REEP5: variants seen among roughly 807,000 people sequenced by gnomAD.
REEP5 encodes the protein receptor accessory protein 5, also known as receptor expression-enhancing protein 5.
Under a neutral mutation model 22.4 loss-of-function variants are expected in REEP5, and 24 were observed. That is an observed-to-expected ratio of 1.07 (90% CI 0.78 to 1.51). The LOEUF (loss-of-function observed/expected upper bound fraction) is 1.51, where lower values mean the gene tolerates loss of function less well. Ranked by LOEUF, REEP5 falls within the 40% of genes most tolerant of loss-of-function variation. The pLI, the probability that REEP5 is intolerant of heterozygous loss-of-function variation, is 0.00. For synonymous variants in REEP5, 103 were observed against 88.6 expected (o/e 1.16, Z -0.92); for missense variants, 252 against 233.0 (o/e 1.08, Z -0.53).
In REEP5 at chr5:112,900,522, C is replaced by T. The variant is rs1160188957; in HGVS notation, c.351+1858G>A. 2.0e-5 allele frequency among the ~76,000 whole-genome samples: 3 copies of T among 152,296 alleles called. No individual in the cohort carries two copies. The East Asian group carries it at 5.8e-4, about 29-fold the overall frequency. ...CTAACTAAAGGCAGTTACTTCCCTA[C>T]CCCTCCTGCTCCAACCCCTAGAGCT... is the stretch of plus-strand genomic sequence containing the variant. On this transcript the variant is annotated intron_variant, in intron 3 of 4. Transcript: ENST00000379638.
chr5:112,877,941 T>G lies in REEP5; in HGVS notation c.*845A>C. 1 of 152,048 alleles carries G rather than the reference T, an allele frequency of 6.6e-6. No homozygotes were observed. Among genetic ancestry groups the G allele is most frequent in the Non-Finnish European group, 1.5e-5 (1 of 68,006 alleles). The allele number at this position is 152,048 out of a possible 1,614,324, so 9.4% of individuals were successfully genotyped here. On this transcript the variant is annotated 3_prime_UTR_variant, in exon 5 of 5. Coordinates refer to ENST00000379638, the MANE Select transcript of REEP5 (RefSeq NM_005669.5). ...GTAAAGTTTATAGCAGATAAGACAG[T>G]ATTACTAGTTTTTCAGGGAATTGAG...
intron 3 of REEP5, chr5:112,891,629 G>C (rs763114718): frequency 1.9e-6 from 3 of 1,593,652 alleles, no homozygotes; most frequent in Admixed American, 3.6e-5. Flanking sequence ...GGGTCAGGCG[G>C]TGCTGGCAAG....
chr5:112,921,783 A>G (rs1021149087), intron 1 of REEP5: 10 of 289,634 alleles, frequency 3.5e-5, no homozygotes, highest in Admixed American at 2.8e-4. Flanking sequence ...GACAGCAGGA[A>G]TAGGGCGCCG....
chr5:112,887,267 G>C, intron 3 of REEP5, 84 bp from the exon 4 acceptor site: 1 of 1,256,166 alleles, frequency 8.0e-7, no homozygotes, highest in Admixed American at 2.7e-5. Context: ...CACTACTCTG[G>C]GGATGGGAGA....
intron 3 of REEP5, chr5:112,893,289 A>C (rs1209965207): frequency 8.1e-6 from 2 of 247,110 alleles, no homozygotes; most frequent in Admixed American, 5.1e-5. Flanking sequence ...AGGCGTCTGT[A>C]ATCCAAGCTA....
chr5:112,918,669 C>T (rs1193177023), intron 2 of REEP5, among the ~76,000 whole-genome samples: 4 of 152,156 alleles, frequency 2.6e-5, no homozygotes, highest in African/African-American at 9.7e-5. Flanking sequence ...AAAACCCATC[C>T]AAGGCAATCA....
intron 2 of REEP5, among the ~76,000 whole-genome samples, chr5:112,913,487 A>T (rs1164246880): frequency 6.8e-6 from 1 of 146,054 alleles, no homozygotes; most frequent in African/African-American, 2.5e-5. Flanking sequence ...GCAGTGAGTC[A>T]TGATTGCACC....
intron 2 of REEP5, among the ~76,000 whole-genome samples, chr5:112,911,076 C>G (rs1340738282): frequency 2.6e-5 from 4 of 152,296 alleles, no homozygotes; most frequent in Non-Finnish European, 5.9e-5. Context: ...AAATTTTCCT[C>G]TGCTGATAAA....
intron 4 of REEP5, chr5:112,885,777 C>T (rs747112626): frequency 1.6e-5 from 4 of 250,126 alleles, no homozygotes; most frequent in East Asian, 1.2e-4. Context: ...ATGCCAAGCC[C>T]GTAGTCTGAG....
At chr5:112,891,801 G>A (rs746759003) in intron 3 of REEP5, 5 of 1,607,182 alleles carry the variant, frequency 3.1e-6, no homozygotes, top group East Asian at 4.5e-5. Context: ...AGGAGGAAGA[G>A]GACACTTTTA....
intron 4 of REEP5, 145 bp downstream of exon 4, chr5:112,886,869 CA>C: frequency 1.8e-6 from 1 of 565,254 alleles, no homozygotes; most frequent in Middle Eastern, 5.2e-4. Context: ...TCTCAATAGG[CA>C]AAGACTTTGT....
intron 2 of REEP5, among the ~76,000 whole-genome samples, chr5:112,919,784 C>G (rs1769311744): frequency 6.6e-6 from 1 of 152,118 alleles, no homozygotes; most frequent in South Asian, 2.1e-4. Context: ...CAATAAATTT[C>G]TATTGTTTAT....
intron 4 of REEP5, among the ~76,000 whole-genome samples, chr5:112,883,736 C>CA (rs1396754889): frequency 6.6e-6 from 1 of 152,172 alleles, no homozygotes; most frequent in Admixed American, 6.6e-5. Flanking sequence ...ATCTAACAAA[C>CA]AGACACCTCA....
intron 2 of REEP5, among the ~76,000 whole-genome samples, chr5:112,907,061 A>G (rs1326743602): frequency 2.0e-5 from 3 of 152,242 alleles, no homozygotes; most frequent in Non-Finnish European, 4.4e-5. Flanking sequence ...AGGATTCAAG[A>G]TAACAACACT....
Position 112,877,359 on chromosome 5 carries a change from A to G in REEP5, c.*1427T>C, listed in dbSNP as rs1014257890. 1 of 152,204 alleles carries G rather than the reference A, an allele frequency of 6.6e-6. No homozygotes were observed. Among genetic ancestry groups the G allele is most frequent in the African/African-American group, 2.4e-5 (1 of 41,444 alleles). 9.4% of individuals were successfully genotyped at this position (152,204 alleles called of 1,614,324 possible). On this transcript the variant is annotated 3_prime_UTR_variant, in exon 5 of 5. Transcript: ENST00000379638. ...TATTTAATCTTGTTAGTTTAGTTAT[A>G]CACTTGTTTTAGTCGAGTTTAATTC...
At chr5:112,902,624 C>G in intron 2 of REEP5, 106 bp from the exon 3 acceptor site, 1 of 954,904 alleles carries the variant, frequency 1.0e-6, no homozygotes, top group Non-Finnish European at 1.5e-6. Flanking sequence ...GAAACTTAGG[C>G]ACATGTAGGC....
rs748539385 is a variant in REEP5 at position 112,878,838 on chromosome 5, G to A, written c.521-3C>T. On this transcript the variant is annotated splice_region_variant and splice_polypyrimidine_tract_variant and intron_variant, in intron 4 of 4. Coordinates refer to ENST00000379638, the MANE Select transcript of REEP5 (RefSeq NM_005669.5). ...TAAATTCACGGTAGCTTTCTTCGCT[G>A]TTTGTTTGTTAGGAGGGAAAGAAAA... is the stretch of plus-strand genomic sequence containing the variant. 1.3e-5 allele frequency: 21 copies of A among 1,613,822 alleles called. No homozygotes were observed. Among genetic ancestry groups the A allele is most frequent in the African/African-American group, 2.7e-5 (2 of 74,868 alleles).
chr5:112,885,028 C>G (rs989151818), intron 4 of REEP5: 1 of 152,086 alleles, frequency 6.6e-6, no homozygotes. Flanking sequence ...TCTTTTGTAC[C>G]CATAACAAAA....
At chr5:112,913,316 AAGACAGAC>A (rs139061601) in intron 2 of REEP5, among the ~76,000 whole-genome samples, 4 of 151,316 alleles carry the variant, frequency 2.6e-5, no homozygotes, top group African/African-American at 9.8e-5. Flanking sequence ...GAAAGAAAGA[AAGACAGAC>A]AGACAGAAAG....
Sources: gnomAD v4.1 joint callset for allele counts (sites outside exome capture counted in the v4.1 genomes callset) on GRCh38, gnomAD v4.1.1 for gene constraint, MANE v1.5 for transcripts, NCBI Gene and HGNC (gene_info 2026-07-23, HGNC 2026-07-21) for gene names.